Variants in GSN observed in about 807,000 individuals in gnomAD.
GSN encodes the protein actin-depolymerizing factor.
Under a neutral mutation model 85.7 loss-of-function variants are expected in GSN, and 56 were observed. The ratio of observed to expected loss-of-function variants is 0.65; its 90% CI spans 0.53 to 0.82. The LOEUF is 0.82. Among genes scored for constraint, GSN ranks in the 40% least tolerant of loss-of-function variants. The pLI is 0.00. For missense variants in GSN, 857 were observed against 979.8 expected (o/e 0.87, Z 1.67); for synonymous variants, 373 against 399.1 (o/e 0.93, Z 0.78).
chr9:121,222,085 A>C (rs1466177665), intron 4 of GSN: 1 of 149,198 alleles, frequency 6.7e-6, no homozygotes, highest in South Asian at 2.1e-4. Flanking sequence ...AAAAGGGAGA[A>C]TAGGTGGGTT....
intron 1 of GSN, among the ~76,000 whole-genome samples, chr9:121,276,570 C>G (rs1054087820): frequency 5.3e-5 from 8 of 152,228 alleles, no homozygotes; most frequent in Non-Finnish European, 1.2e-4. Context: ...TCAAAACTTT[C>G]CAAACCATGA....
intron 2 of GSN, among the ~76,000 whole-genome samples, chr9:121,296,840 C>T (rs779939694): frequency 6.6e-6 from 1 of 152,226 alleles, no homozygotes; most frequent in African/African-American, 2.4e-5. Flanking sequence ...TCCCAGAGGG[C>T]AAGGGTGGGG....
chr9:121,221,561 G>A (rs1432068653), intron 4 of GSN, among the ~76,000 whole-genome samples: 2 of 152,156 alleles, frequency 1.3e-5, no homozygotes, highest in African/African-American at 2.4e-5. Flanking sequence ...AGCCCAATAC[G>A]GAGAGGTAAA....
intron 5 of GSN, chr9:121,238,858 G>A: frequency 2.0e-6 from 1 of 504,300 alleles, no homozygotes; most frequent in Non-Finnish European, 4.0e-6. Context: ...ATCATGGCTT[G>A]TACATCCTTC....
chr9:121,244,968 TA>T (rs537336362), intron 5 of GSN, among the ~76,000 whole-genome samples: 22 of 150,862 alleles, frequency 1.5e-4, no homozygotes, highest in Non-Finnish European at 2.7e-4. Context: ...AGCTAGCTTC[TA>T]AAAAAAAAGT....
At chr9:121,206,272 G>A (rs1049077332), upstream of GSN, among the ~76,000 whole-genome samples, 2 of 152,072 alleles carry the variant, frequency 1.3e-5, no homozygotes, top group East Asian at 1.9e-4. Context: ...GATCAGGTGC[G>A]GTCATGGTGG....
At chr9:121,239,507 G>T (rs755886729) in intron 5 of GSN, 3 of 308,156 alleles carry the variant, frequency 9.7e-6, no homozygotes, top group East Asian at 9.3e-5. Flanking sequence ...AAACCAGTCT[G>T]GTGGCAGATT....
intron 10 of GSN, 45 bp from the exon 11 acceptor site, chr9:121,321,223 G>C (rs1185540420): frequency 1.2e-6 from 2 of 1,609,444 alleles, no homozygotes; most frequent in Non-Finnish European, 1.7e-6. Flanking sequence ...TGAGCTGGGG[G>C]GTGGGGGTGC....
At chr9:121,282,294 T>C in intron 2 of GSN, 1 of 602,030 alleles carries the variant, frequency 1.7e-6, no homozygotes, top group Non-Finnish European at 3.0e-6. Context: ...CAAAGGGCTT[T>C]GTGACCAGTG....
Position 121,331,419 on chromosome 9 carries a change from A to T in GSN, c.1997A>T (p.Glu666Val). ...GTCTGGGTTGGAAAGGATTCTCAAG[A>T]AGAAGAAAAGACAGAAGCCTTGACT... ...VFVWVGKDSQ[E>V]EEKTEALTSA... The change falls in exon 17 of 18, where the codon GAA (glutamate) becomes GTA (valine). Residue 666 changes from glutamate (E) to valine (V), a missense_variant. Glu to Val is a moderately radical substitution (Grantham distance 121). Transcript: ENST00000432226. 6.3e-7 allele frequency: 1 copy of T among 1,577,770 alleles called. No individual in the cohort carries two copies. The highest frequency in any genetic ancestry group is 8.6e-7 in the Non-Finnish European group (1 of 1,157,406).
At position 121,298,119 on chromosome 9, in the gene GSN, G is replaced by A. The variant is rs530269000; in HGVS notation, c.-9-3844G>A. Among the ~76,000 whole-genome samples, 24 of 152,250 alleles carry A rather than the reference G, an allele frequency of 1.6e-4. No individual in the cohort carries two copies. In the South Asian group the frequency reaches 4.8e-3, roughly 30 times the overall value. ...CTCTGGGGCCCCCCACAGACACCGA[G>A]ACAAAGTTCAGACTCTTCAGTGTGG... On this transcript the variant is annotated intron_variant, in intron 2 of 17. Transcript: ENST00000432226.
chr9:121,317,414 C>T (rs1434809366), intron 8 of GSN, 196 bp downstream of exon 8: 2 of 617,680 alleles, frequency 3.2e-6, no homozygotes, highest in Non-Finnish European at 5.8e-6. Flanking sequence ...CTTTCTGGGC[C>T]TCAGATTCCT....
intron 6 of GSN, among the ~76,000 whole-genome samples, chr9:121,254,559 C>A (rs2054910019): frequency 6.6e-6 from 1 of 152,168 alleles, no homozygotes; most frequent in Admixed American, 6.5e-5. Flanking sequence ...TTTAACCTTT[C>A]TTCTCCAGAC....
rs371397360 is a variant in GSN, at chr9:121,229,694, G to A, written c.-527-1471G>A. 3.3e-5 allele frequency among the ~76,000 whole-genome samples: 5 copies of A among 152,304 alleles called. No individual in the cohort carries two copies. The East Asian group carries it at 7.7e-4, about 23-fold the overall frequency. Reference sequence around the variant, plus strand: ...CTTGTCTCATTACTGGGGATGCTAAGTTTTATCAGTTGGTTAAAGTGGTGG... The same window carrying A: ...CTTGTCTCATTACTGGGGATGCTAAATTTTATCAGTTGGTTAAAGTGGTGG... On this transcript the variant is annotated intron_variant, in intron 4 of 24. Transcript: ENST00000373823.
intron 5 of GSN, among the ~76,000 whole-genome samples, chr9:121,231,895 C>T (rs914038782): frequency 2.6e-5 from 4 of 152,100 alleles, no homozygotes; most frequent in South Asian, 2.1e-4. Flanking sequence ...GGTGAAACCC[C>T]GTGTCTACTA....
At chr9:121,281,584 C>T (rs867936105) in intron 2 of GSN, 22 bp downstream of exon 2, 4 of 461,768 alleles carry the variant, frequency 8.7e-6, no homozygotes, top group Non-Finnish European at 1.3e-5. Context: ...AATACAGACA[C>T]CTGTCGTCCT....
At chr9:121,311,298 C>T (rs2061112330) in intron 5 of GSN, 2 of 226,356 alleles carry the variant, frequency 8.8e-6, no homozygotes, top group Admixed American at 5.2e-5. Flanking sequence ...GATGCCCTTA[C>T]CCAGGCCCAC....
chr9:121,254,368 A>G (rs1342851379), intron 6 of GSN, among the ~76,000 whole-genome samples: 3 of 152,226 alleles, frequency 2.0e-5, no homozygotes, highest in African/African-American at 7.2e-5. Context: ...TACCATTTAC[A>G]GAGTCTCTCA....
chr9:121,232,209 A>G (rs927832224), intron 5 of GSN, among the ~76,000 whole-genome samples: 1 of 152,248 alleles, frequency 6.6e-6, no homozygotes, highest in African/African-American at 2.4e-5. Context: ...CCTTGAGGTC[A>G]GGGACTGGAC....
Sources: gnomAD v4.1 joint callset for allele counts (sites outside exome capture counted in the v4.1 genomes callset) on GRCh38, gnomAD v4.1.1 for gene constraint, MANE v1.5 for transcripts, NCBI Gene and HGNC (gene_info 2026-07-23, HGNC 2026-07-21) for gene names.